PTPDC1: variants seen among roughly 807,000 people sequenced by gnomAD.
PTPDC1 encodes protein tyrosine phosphatase domain containing 1, also known as protein tyrosine phosphatase domain-containing protein 1.
In PTPDC1, 53 loss-of-function variants were observed where a neutral mutation model predicts 75.3. The observed-to-expected ratio is 0.70, with a 90% CI of 0.56 to 0.88. The LOEUF is 0.88. Ranked by LOEUF, PTPDC1 falls within the 40% of genes least tolerant of loss-of-function variation. The pLI is 0.00. For missense variants in PTPDC1, 925 were observed against 998.6 expected, an observed-to-expected ratio of 0.93 and a Z score of 0.99; for synonymous variants, 349 against 366.2, an observed-to-expected ratio of 0.95 and a Z score of 0.54.
At chr9:94,031,533 C>G (rs1829726967) in intron 1 of PTPDC1, among the ~76,000 whole-genome samples, 1 of 152,032 alleles carries the variant, frequency 6.6e-6, no homozygotes, top group Non-Finnish European at 1.5e-5. Flanking sequence ...TTTGTGACCT[C>G]TAATTTAGGT....
intron 4 of PTPDC1, among the ~76,000 whole-genome samples, chr9:94,092,149 T>C (rs1195781515): frequency 6.6e-6 from 1 of 151,770 alleles, no homozygotes; most frequent in Non-Finnish European, 1.5e-5. Context: ...TTGCTCCTGC[T>C]TTTCTAGTTC....
At chr9:94,050,631 G>C (rs535810556) in intron 1 of PTPDC1, among the ~76,000 whole-genome samples, 4 of 152,214 alleles carry the variant, frequency 2.6e-5, no homozygotes, top group Non-Finnish European at 5.9e-5. Flanking sequence ...CTACTGGGGG[G>C]TGCCTCCCAG....
At chr9:94,079,304 AG>A (rs1465284274) in intron 2 of PTPDC1, among the ~76,000 whole-genome samples, 1 of 149,200 alleles carries the variant, frequency 6.7e-6, no homozygotes, top group African/African-American at 2.5e-5. Flanking sequence ...TTTTTTTAGC[AG>A]GGCACTCTTT....
At chr9:94,038,030 A>G in intron 1 of PTPDC1, 1 of 444,668 alleles carries the variant, frequency 2.2e-6, no homozygotes, top group Non-Finnish European at 4.3e-6. Flanking sequence ...AGAATTAAAT[A>G]TGGGTGATGT....
At chr9:94,046,954 C>T (rs1825618203) in intron 1 of PTPDC1, among the ~76,000 whole-genome samples, 1 of 152,130 alleles carries the variant, frequency 6.6e-6, no homozygotes, top group Admixed American at 6.6e-5. Flanking sequence ...CCAGTTTTTG[C>T]CCATTCAGTA....
At chr9:94,038,206 C>G (rs1302517996) in intron 1 of PTPDC1, 45 of 843,506 alleles carry the variant, frequency 5.3e-5, no homozygotes, top group Non-Finnish European at 4.8e-5. Context: ...AAGGCATCAC[C>G]TGGGGAGAGG....
intron 1 of PTPDC1, among the ~76,000 whole-genome samples, chr9:94,037,408 A>G (rs1012897901): frequency 2.0e-5 from 3 of 152,190 alleles, no homozygotes; most frequent in African/African-American, 7.2e-5. Flanking sequence ...AACCACCCAT[A>G]ATCCACCCTG....
intron 4 of PTPDC1, among the ~76,000 whole-genome samples, chr9:94,093,501 T>G (rs1005374069): frequency 1.4e-5 from 2 of 148,012 alleles, no homozygotes; most frequent in African/African-American, 5.0e-5. Context: ...GACCTTTCTC[T>G]CTGGCTGCCC....
rs763821389 is a variant in PTPDC1, at chr9:94,032,525, C to T, written c.-7+1398C>T. On this transcript the variant is annotated intron_variant, in intron 1 of 9. Transcript: ENST00000375360. ...AAGGAAATCTTTTGTTGGAGGAAAC[C>T]AAGGTTTAGGAGACAGCACCCTATC... is the stretch of plus-strand genomic sequence containing the variant. 1.1e-3 allele frequency among the ~76,000 whole-genome samples: 160 copies of T among 152,112 alleles called. 3 individuals are homozygous for T. The highest frequency in any genetic ancestry group is 9.2e-4 in the Admixed American group (14 of 15,278).
chr9:94,086,009 C>A (rs578258259), intron 2 of PTPDC1, among the ~76,000 whole-genome samples: 1 of 152,134 alleles, frequency 6.6e-6, no homozygotes, highest in Admixed American at 6.5e-5. Context: ...TCAAATACAC[C>A]TTTTTGATGT....
At chr9:94,091,952 C>T (rs777984848) in intron 4 of PTPDC1, among the ~76,000 whole-genome samples, 70 of 150,594 alleles carry the variant, frequency 4.6e-4, no homozygotes, top group African/African-American at 9.3e-4. Flanking sequence ...TTTTTTATTG[C>T]GTCTATTTGA....
chr9:94,049,834 G>A (rs548852992), intron 1 of PTPDC1, among the ~76,000 whole-genome samples: 3 of 152,282 alleles, frequency 2.0e-5, no homozygotes, highest in African/African-American at 7.2e-5. Flanking sequence ...CATTCTCCCC[G>A]TCACTTTCAG....
chr9:94,106,096 C>T lies in PTPDC1; in HGVS notation c.2310+1711C>T, dbSNP rs543602133. On this transcript the variant is annotated intron_variant, in intron 8 of 8. Coordinates refer to ENST00000620992, the MANE Select transcript of PTPDC1 (RefSeq NM_001253829.2). ...TGAGCTTAACTGAAAAAAATCCTTA[C>T]GATTGGTCTCTCTGAAAGCAGTAGG... is the stretch of plus-strand genomic sequence containing the variant. Among the ~76,000 whole-genome samples the T allele has an allele frequency of 5.9e-5, 9 of 152,172 alleles. No homozygotes were observed. In the East Asian group the frequency reaches 7.7e-4, roughly 13 times the overall value.
intron 1 of PTPDC1, among the ~76,000 whole-genome samples, chr9:94,033,283 A>G (rs1321504572): frequency 6.6e-6 from 1 of 152,242 alleles, no homozygotes; most frequent in African/African-American, 2.4e-5. Flanking sequence ...ATCATGTTTT[A>G]TATAAGTTAC....
intron 4 of PTPDC1, 72 bp from the exon 5 acceptor site, chr9:94,095,240 TGTGTA>T: frequency 9.0e-7 from 1 of 1,109,764 alleles, no homozygotes. Flanking sequence ...AGTGTAGATC[TGTGTA>T]CTTTTCATTA....
At chr9:94,077,424 T>TAA (rs756468766) in intron 2 of PTPDC1, among the ~76,000 whole-genome samples, 12 of 152,208 alleles carry the variant, frequency 7.9e-5, no homozygotes, top group Non-Finnish European at 1.3e-4. Flanking sequence ...CCAGCTTGTT[T>TAA]AACCTGTGCT....
At chr9:94,107,179 C>T (rs1828051839) in intron 8 of PTPDC1, among the ~76,000 whole-genome samples, 1 of 152,170 alleles carries the variant, frequency 6.6e-6, no homozygotes, top group African/African-American at 2.4e-5. Context: ...GTCTCAACCT[C>T]CTGGGCTCAA....
intron 1 of PTPDC1, among the ~76,000 whole-genome samples, chr9:94,047,470 G>T (rs374726946): frequency 6.6e-6 from 1 of 152,108 alleles, no homozygotes; most frequent in Non-Finnish European, 1.5e-5. Context: ...AAGCAGGAAA[G>T]ATCTAAAATT....
At chr9:94,042,729 C>G (rs771442370) in intron 1 of PTPDC1, among the ~76,000 whole-genome samples, 3 of 152,156 alleles carry the variant, frequency 2.0e-5, no homozygotes, top group African/African-American at 7.2e-5. Flanking sequence ...GTTGACTCTT[C>G]TTTCATGAAA....
Sources: gnomAD v4.1 joint callset for allele counts (sites outside exome capture counted in the v4.1 genomes callset) on GRCh38, gnomAD v4.1.1 for gene constraint, MANE v1.5 for transcripts, NCBI Gene and HGNC (gene_info 2026-07-23, HGNC 2026-07-21) for gene names.